MYOF: variants seen among roughly 807,000 people sequenced by gnomAD.
The protein encoded by MYOF is fer-1-like 3, myoferlin.
A neutral mutation model predicts 284.2 loss-of-function variants in MYOF; 244 were observed. That is an observed-to-expected ratio of 0.86 (90% CI 0.77 to 0.95). The LOEUF is 0.95. MYOF is among the 40% of genes least tolerant of loss of function. The pLI is 0.00. For synonymous variants in MYOF, 904 were observed against 919.7 expected, an observed-to-expected ratio of 0.98 and a Z score of 0.31; for missense variants, 2,496 against 2,560.6, an observed-to-expected ratio of 0.97 and a Z score of 0.54.
intron 53 of MYOF, among the ~76,000 whole-genome samples, chr10:93,309,522 A>G (rs1842290683): frequency 6.6e-6 from 1 of 152,212 alleles, no homozygotes; most frequent in South Asian, 2.1e-4. Flanking sequence ...CAGAGAAACA[A>G]AATTGGCAAA....
chr10:93,479,687 G>A (rs1422324579), intron 1 of MYOF, among the ~76,000 whole-genome samples: 1 of 152,108 alleles, frequency 6.6e-6, no homozygotes, highest in Non-Finnish European at 1.5e-5. Flanking sequence ...AGACCCAGGT[G>A]GTTAAATCAG....
intron 23 of MYOF, among the ~76,000 whole-genome samples, chr10:93,374,488 T>C (rs982336681): frequency 1.2e-4 from 18 of 152,176 alleles, no homozygotes; most frequent in African/African-American, 4.1e-4. Flanking sequence ...CCATTCAAAA[T>C]ATTCTCCGAC....
Position 93,313,148 on chromosome 10 carries a change from A to G in MYOF, c.5761T>C (p.Leu1921=). The stretch of plus-strand genomic sequence containing the variant: ...GCTTTGAGGTCCGGAATCATGTCCA[A>G]TCTGCATTTCTCTGGTGATTTTGCA... The part of the protein sequence containing the change: ...IPAKSPEKCR[L]DMIPDLKAMN... The change falls in exon 51 of 54, where the codon TTG becomes CTG. Residue 1921 remains leucine, a synonymous_variant. Transcript: ENST00000359263. 6.2e-7 allele frequency: 1 copy of G among 1,614,048 alleles called. No homozygotes were observed. The highest frequency in any genetic ancestry group is 2.2e-5 in the East Asian group (1 of 44,874).
intron 48 of MYOF, among the ~76,000 whole-genome samples, chr10:93,320,793 G>T (rs147196270): frequency 1.3e-5 from 2 of 152,088 alleles, no homozygotes; most frequent in African/African-American, 4.8e-5. Flanking sequence ...AATAGAGAGC[G>T]CATGGTTTTC....
At chr10:93,373,762 T>C (rs1845703024) in intron 23 of MYOF, among the ~76,000 whole-genome samples, 1 of 152,174 alleles carries the variant, frequency 6.6e-6, no homozygotes. Flanking sequence ...GGAGGAGTCG[T>C]CTCCTTACTT....
chr10:93,467,823 A>G (rs1010319669), intron 1 of MYOF, among the ~76,000 whole-genome samples: 1 of 152,202 alleles, frequency 6.6e-6, no homozygotes, highest in East Asian at 1.9e-4. Flanking sequence ...TGTCCTTTGT[A>G]GGGACATGGA....
At chr10:93,311,396 G>A (rs1389153958) in intron 51 of MYOF, among the ~76,000 whole-genome samples, 2 of 151,444 alleles carry the variant, frequency 1.3e-5, no homozygotes, top group African/African-American at 4.9e-5. Context: ...GATCACCTGA[G>A]GTCAGGAGTT....
At chr10:93,463,679 C>T (rs775322671) in intron 1 of MYOF, among the ~76,000 whole-genome samples, 5 of 151,686 alleles carry the variant, frequency 3.3e-5, no homozygotes, top group Admixed American at 6.6e-5. Flanking sequence ...CAATTACAGG[C>T]GTGAGGCACC....
chr10:93,342,036 A>T, intron 38 of MYOF: 1 of 1,119,870 alleles, frequency 8.9e-7, no homozygotes, highest in Non-Finnish European at 1.2e-6. Context: ...CTAGCACTTG[A>T]CCAATTTTCC....
At chr10:93,338,234 T>A (rs1403985227) in intron 39 of MYOF, 2 of 455,792 alleles carry the variant, frequency 4.4e-6, no homozygotes, top group South Asian at 1.7e-5. Flanking sequence ...ATTGACTTCA[T>A]ATTTACATAT....
At chr10:93,470,923 G>A (rs976885747) in intron 1 of MYOF, among the ~76,000 whole-genome samples, 1 of 152,164 alleles carries the variant, frequency 6.6e-6, no homozygotes, top group African/African-American at 2.4e-5. Flanking sequence ...GAGACAGGGA[G>A]TGTCCTAGCA....
At chr10:93,347,866 A>G in intron 36 of MYOF, 84 bp from the exon 37 acceptor site, 1 of 1,370,208 alleles carries the variant, frequency 7.3e-7, no homozygotes, top group Non-Finnish European at 1.0e-6. Flanking sequence ...ACCAGTCCAG[A>G]TTCTCTCTGC....
chr10:93,309,968 C>T (rs1842307519), intron 53 of MYOF, 52 bp downstream of exon 53: 2 of 1,609,482 alleles, frequency 1.2e-6, no homozygotes, highest in Non-Finnish European at 1.7e-6. Flanking sequence ...GGGAGAGGAC[C>T]AACTGCAACT....
At chr10:93,328,139 G>A (rs910087735) in intron 45 of MYOF, among the ~76,000 whole-genome samples, 5 of 152,140 alleles carry the variant, frequency 3.3e-5, no homozygotes, top group African/African-American at 7.2e-5. Context: ...TCCTGTGCAC[G>A]TTTGTTCAGC....
chr10:93,318,540 C>T (rs1243551759), intron 49 of MYOF, among the ~76,000 whole-genome samples: 4 of 152,128 alleles, frequency 2.6e-5, no homozygotes, highest in Non-Finnish European at 5.9e-5. Flanking sequence ...GGGTGGATCA[C>T]CTGAGGTCAG....
chr10:93,476,985 T>G (rs2057277314), intron 1 of MYOF, among the ~76,000 whole-genome samples: 1 of 151,966 alleles, frequency 6.6e-6, no homozygotes. Context: ...AAGGAGAGAA[T>G]GAGAAAAATG....
intron 19 of MYOF, among the ~76,000 whole-genome samples, chr10:93,385,734 G>T (rs910922295): frequency 6.6e-6 from 1 of 152,004 alleles, no homozygotes; most frequent in African/African-American, 2.4e-5. Context: ...GAGCTATTTT[G>T]CTGTCTGTGT....
At chr10:93,420,253 T>C (rs927443057) in intron 5 of MYOF, among the ~76,000 whole-genome samples, 68 of 152,352 alleles carry the variant, frequency 4.5e-4, no homozygotes, top group Middle Eastern at 6.8e-3. Context: ...GCTTCAAAAA[T>C]AGACGTGAGA....
At chr10:93,365,675 T>C (rs1845291998) in intron 26 of MYOF, among the ~76,000 whole-genome samples, 1 of 152,226 alleles carries the variant, frequency 6.6e-6, no homozygotes, top group Non-Finnish European at 1.5e-5. Context: ...TGTTGGGAGA[T>C]AATTCTCTGC....
Sources: allele counts gnomAD v4.1 joint callset (sites outside exome capture counted in the v4.1 genomes callset), GRCh38; gene constraint gnomAD v4.1.1; transcripts MANE v1.5; gene names NCBI Gene and HGNC (gene_info 2026-07-23, HGNC 2026-07-21).